Variants in MYO10 observed in about 807,000 individuals in gnomAD.
MYO10 encodes unconventional myosin-X.
A neutral mutation model predicts 257.3 loss-of-function variants in MYO10; 133 were observed. The observed-to-expected ratio is 0.52, with a 90% CI of 0.45 to 0.60. MYO10 has a LOEUF of 0.60. Ranked by LOEUF, MYO10 falls within the 20% of genes least tolerant of loss-of-function variation. MYO10 has a pLI of 0.00. For missense variants in MYO10, 2,399 were observed against 2,635.7 expected (o/e 0.91, Z 1.97); for synonymous variants, 1,104 against 1,028.6 (o/e 1.07, Z -1.40).
chr5:16,848,678 G>A (rs1022421475), intron 2 of MYO10, among the ~76,000 whole-genome samples: 1 of 151,180 alleles, frequency 6.6e-6, no homozygotes, highest in Non-Finnish European at 1.5e-5. Context: ...TCCCCGCTAC[G>A]GATGGACGGC....
At chr5:16,813,161 T>C (rs1204158225) in intron 3 of MYO10, among the ~76,000 whole-genome samples, 1 of 151,856 alleles carries the variant, frequency 6.6e-6, no homozygotes, top group African/African-American at 2.4e-5. Flanking sequence ...CAACAAATAA[T>C]GAAACATCCA....
intron 7 of MYO10, 38 bp downstream of exon 7, chr5:16,780,690 T>C (rs1415190006): frequency 4.5e-6 from 7 of 1,552,826 alleles, no homozygotes; most frequent in Non-Finnish European, 6.1e-6. Flanking sequence ...AAAATTGTTA[T>C]TATGGAAGAA....
intron 20 of MYO10, 36 bp from the exon 21 acceptor site, chr5:16,711,058 A>G: frequency 1.9e-6 from 3 of 1,613,306 alleles, no homozygotes; most frequent in Non-Finnish European, 1.7e-6. Context: ...ACCTTCTGCG[A>G]TGGTTCCCTG....
At chr5:16,845,561 A>G (rs1743610064) in intron 2 of MYO10, among the ~76,000 whole-genome samples, 2 of 152,138 alleles carry the variant, frequency 1.3e-5, no homozygotes, top group African/African-American at 2.4e-5. Flanking sequence ...CAGCTACTCC[A>G]GAGTTGAGGC....
Position 16,704,632 on chromosome 5 carries a change from T to C in MYO10, c.2223A>G (p.Glu741=). The C allele has an allele frequency of 2.5e-6, 4 of 1,613,934 alleles. No homozygotes were observed. Among genetic ancestry groups the C allele is most frequent in the Non-Finnish European group, 3.4e-6 (4 of 1,179,874 alleles). ...GAATCACCATGGCCGCGTGGCTCAC[T>C]TCCTCTTCCCTCCGCTTCTCCAGTT... ...EQKLEKRREE[E]VSHAAMVIRA... Residue 741 remains glutamate, a synonymous_variant, in exon 22 of 41, where the codon GAA becomes GAG. Coordinates refer to ENST00000513610, the MANE Select transcript of MYO10 (RefSeq NM_012334.3).
chr5:16,684,905 G>A (rs948499600), intron 29 of MYO10, among the ~76,000 whole-genome samples: 1 of 152,030 alleles, frequency 6.6e-6, no homozygotes, highest in Non-Finnish European at 1.5e-5. Context: ...AAATTAGCCG[G>A]GTGTGGCGGC....
chr5:16,900,450 T>G (rs1184163220), intron 1 of MYO10, among the ~76,000 whole-genome samples: 1 of 152,120 alleles, frequency 6.6e-6, no homozygotes, highest in Non-Finnish European at 1.5e-5. Context: ...AGAAAAAAAC[T>G]ACCCTGGAAC....
rs934802843 is a variant in MYO10 at position 16,876,045 on chromosome 5, G to A, written c.120+1564C>T. ...GGAGACTCACTTGAACCCAGGAGGC[G>A]AAGGTTACAGTGAACCAAGATGGTA... On this transcript the variant is annotated intron_variant, in intron 2 of 40. Transcript: ENST00000513610. Among the ~76,000 whole-genome samples, 16 of 152,104 alleles carry A rather than the reference G, an allele frequency of 1.1e-4. No individual in the cohort carries two copies. The South Asian group carries it at 2.1e-3, about 20-fold the overall frequency.
At chr5:16,699,010 T>C (rs1219427778) in intron 26 of MYO10, among the ~76,000 whole-genome samples, 1 of 151,572 alleles carries the variant, frequency 6.6e-6, no homozygotes, top group African/African-American at 2.4e-5. Flanking sequence ...TCTGTATATA[T>C]GAGAGAGAGC....
chr5:16,882,573 TA>T (rs35763418), intron 1 of MYO10, among the ~76,000 whole-genome samples: 4,036 of 147,382 alleles, frequency 0.027, 170 homozygotes, highest in African/African-American at 0.093. Context: ...TTATTTAAAT[TA>T]AAAAAAAAAA....
At chr5:16,903,167 G>C (rs1051256282) in intron 1 of MYO10, among the ~76,000 whole-genome samples, 1 of 152,226 alleles carries the variant, frequency 6.6e-6, no homozygotes, top group Non-Finnish European at 1.5e-5. Flanking sequence ...CAGCACTTGG[G>C]AGGCCAAGGC....
chr5:16,734,423 G>A (rs963940083), intron 19 of MYO10, among the ~76,000 whole-genome samples: 13 of 152,140 alleles, frequency 8.5e-5, no homozygotes, highest in African/African-American at 3.1e-4. Flanking sequence ...CGGTGCCCAC[G>A]TTCAAATGAC....
In MYO10 at chr5:16,822,319, T is replaced by A. The variant is rs531760028; in HGVS notation, c.121-4152A>T. ...CCTATGAGGAAAAAATTTTAGAAAT[T>A]TAGAAAATCACTCATTCAAGCAAAT... On this transcript the variant is annotated intron_variant, in intron 2 of 40. Transcript: ENST00000513610. Among the ~76,000 whole-genome samples the A allele has an allele frequency of 5.9e-5, 9 of 152,254 alleles. No homozygotes were observed. In the East Asian group the frequency reaches 1.7e-3, roughly 29 times the overall value.
chr5:16,817,462 G>C (rs1742659445), intron 3 of MYO10, among the ~76,000 whole-genome samples: 1 of 152,120 alleles, frequency 6.6e-6, no homozygotes, highest in Non-Finnish European at 1.5e-5. Context: ...TAGAAGTTGA[G>C]AGAAAAATGT....
intron 3 of MYO10, among the ~76,000 whole-genome samples, chr5:16,802,290 G>C (rs535454576): frequency 2.6e-5 from 4 of 152,190 alleles, no homozygotes; most frequent in African/African-American, 9.6e-5. Context: ...CTATCGAACT[G>C]TGCATTAACA....
chr5:16,822,964 G>A (rs1405092939), intron 2 of MYO10, among the ~76,000 whole-genome samples: 1 of 151,940 alleles, frequency 6.6e-6, no homozygotes, highest in Non-Finnish European at 1.5e-5. Flanking sequence ...TGGGATTACA[G>A]GCGTGAGCCA....
chr5:16,791,493 T>G (rs1741754336), intron 4 of MYO10, among the ~76,000 whole-genome samples: 1 of 151,978 alleles, frequency 6.6e-6, no homozygotes. Context: ...CCTCTCCCCC[T>G]TATTTTTAAA....
Position 16,874,291 on chromosome 5 carries a change from G to A in MYO10, c.120+3318C>T, listed in dbSNP as rs186992192. 4.3e-4 allele frequency among the ~76,000 whole-genome samples: 55 copies of A among 126,994 alleles called. No homozygotes were observed. In the East Asian group the frequency reaches 8.7e-3, roughly 20 times the overall value. 83.3% of individuals were successfully genotyped at this position (126,994 alleles called of 152,430 possible). A position where few individuals can be genotyped will look rare whatever the true frequency, so the allele number is the denominator to read the frequency against. On this transcript the variant is annotated intron_variant, in intron 2 of 40. Coordinates refer to ENST00000513610, the MANE Select transcript of MYO10 (RefSeq NM_012334.3). ...AGAGCTTGCAGTGAGCCGAGATCGC[G>A]CCACTGCACTCCAGCCTGGGCGACA...
chr5:16,764,733 G>A (rs1399847683), intron 11 of MYO10, among the ~76,000 whole-genome samples: 2 of 152,112 alleles, frequency 1.3e-5, no homozygotes, highest in South Asian at 2.1e-4. Flanking sequence ...CTGTCACCCA[G>A]GCTGGAGTGC....
Sources: gnomAD v4.1 joint callset for allele counts (sites outside exome capture counted in the v4.1 genomes callset) on GRCh38, gnomAD v4.1.1 for gene constraint, MANE v1.5 for transcripts, NCBI Gene and HGNC (gene_info 2026-07-23, HGNC 2026-07-21) for gene names.